Variants in GRIN2B observed in about 807,000 individuals in gnomAD.
GRIN2B encodes the protein glutamate ionotropic receptor NMDA type subunit 2B, also known as glutamate receptor ionotropic, NMDA 2B.
GRIN2B carries 5 observed loss-of-function variants against 114.5 expected under a neutral mutation model. The ratio of observed to expected loss-of-function variants is 0.04; its 90% CI spans 0.02 to 0.09. The LOEUF (loss-of-function observed/expected upper bound fraction) is 0.09. Among genes scored for constraint, GRIN2B ranks in the 10% least tolerant of loss-of-function variants. The probability of loss-of-function intolerance (pLI) is 1.00; values close to 1 mark genes in which losing one functional copy is unlikely to be tolerated. For synonymous variants in GRIN2B, 787 were observed against 745.1 expected (o/e 1.06, Z -0.92); for missense variants, 1,108 against 1,943.5 (o/e 0.57, Z 8.08).
intron 2 of GRIN2B, among the ~76,000 whole-genome samples, chr12:13,967,691 G>T (rs1591645829): frequency 6.6e-6 from 1 of 152,322 alleles, no homozygotes; most frequent in Middle Eastern, 3.4e-3. Flanking sequence ...CGGGAGGTGG[G>T]ATGGATAGAG....
chr12:13,554,418 T>C lies in GRIN2B; in HGVS notation c.*8365A>G, dbSNP rs982642495. The C allele has an allele frequency of 6.6e-6, 1 of 152,080 alleles. No individual in the cohort carries two copies. Among genetic ancestry groups the C allele is most frequent in the Non-Finnish European group, 1.5e-5 (1 of 68,002 alleles). 9.4% of individuals were successfully genotyped at this position (152,080 alleles called of 1,614,324 possible). A position where few individuals can be genotyped will look rare whatever the true frequency, so the allele number is the denominator to read the frequency against. ...GATATTATTCAAGAAGGGAGTGAGA[T>C]GGGAGATAGGAAGGAGAGTATTTTG... On this transcript the variant is annotated 3_prime_UTR_variant, in exon 14 of 14. Coordinates refer to ENST00000609686, the MANE Select transcript of GRIN2B (RefSeq NM_000834.5).
At chr12:13,890,221 CA>C (rs1257008991) in intron 2 of GRIN2B, among the ~76,000 whole-genome samples, 2 of 152,202 alleles carry the variant, frequency 1.3e-5, no homozygotes, top group African/African-American at 4.8e-5. Flanking sequence ...CCACTCCTTA[CA>C]AAATCACTGC....
intron 3 of GRIN2B, among the ~76,000 whole-genome samples, chr12:13,820,230 A>G (rs934647718): frequency 6.6e-6 from 1 of 152,178 alleles, no homozygotes; most frequent in Non-Finnish European, 1.5e-5. Flanking sequence ...AAGAGACTAG[A>G]TCAATGGCCA....
intron 2 of GRIN2B, among the ~76,000 whole-genome samples, chr12:13,877,411 C>A (rs1866006439): frequency 6.6e-6 from 1 of 152,216 alleles, no homozygotes; most frequent in Admixed American, 6.5e-5. Context: ...TTATTCCTAC[C>A]AGTGTACATA....
intron 2 of GRIN2B, among the ~76,000 whole-genome samples, chr12:13,875,985 G>T (rs1425564289): frequency 6.6e-6 from 1 of 152,234 alleles, no homozygotes; most frequent in East Asian, 1.9e-4. Flanking sequence ...ACAGTATCAT[G>T]TGAGAGGGCT....
At chr12:13,831,664 A>G (rs11612353) in intron 3 of GRIN2B, among the ~76,000 whole-genome samples, 30,717 of 152,180 alleles carry the variant, frequency 0.2, 3,367 homozygotes, top group Non-Finnish European at 0.24. Flanking sequence ...GGAGCCCGGT[A>G]ACTGCCACCC....
chr12:13,737,364 A>T (rs1863204138), intron 4 of GRIN2B, among the ~76,000 whole-genome samples: 1 of 151,790 alleles, frequency 6.6e-6, no homozygotes, highest in East Asian at 2.0e-4. Flanking sequence ...GGCACCTGAC[A>T]CCACCCCTGG....
At position 13,901,586 on chromosome 12, in the gene GRIN2B, G is replaced by A. The variant is rs544046163; in HGVS notation, c.-18-35360C>T. On this transcript the variant is annotated intron_variant, in intron 2 of 13. Transcript: ENST00000609686. ...TAAACCTAATTTAATTTAAATAGGC[G>A]TATGTAATACTGGCTACCGTCTTAG... is the stretch of plus-strand genomic sequence containing the variant. Among the ~76,000 whole-genome samples the A allele has an allele frequency of 7.9e-5, 12 of 151,964 alleles. No homozygotes were observed. In the East Asian group the frequency reaches 9.6e-4, roughly 12 times the overall value.
intron 2 of GRIN2B, among the ~76,000 whole-genome samples, chr12:13,902,002 G>A (rs1046258267): frequency 5.9e-5 from 9 of 151,972 alleles, no homozygotes; most frequent in Admixed American, 5.9e-4. Flanking sequence ...TATTTATCAA[G>A]TGACTATAAA....
intron 4 of GRIN2B, among the ~76,000 whole-genome samples, chr12:13,743,761 T>C (rs1398823879): frequency 1.3e-5 from 2 of 152,180 alleles, no homozygotes; most frequent in African/African-American, 4.8e-5. Flanking sequence ...TGAGACGATA[T>C]ACAAGAAGAT....
intron 4 of GRIN2B, among the ~76,000 whole-genome samples, chr12:13,722,096 T>C (rs368233526): frequency 1.8e-4 from 28 of 152,206 alleles, no homozygotes; most frequent in Middle Eastern, 3.4e-3. Context: ...ACCATTCCAT[T>C]AACACAGTAT....
intron 4 of GRIN2B, among the ~76,000 whole-genome samples, chr12:13,676,254 G>A (rs1950073108): frequency 6.6e-6 from 1 of 152,016 alleles, no homozygotes; most frequent in Non-Finnish European, 1.5e-5. Context: ...TTAATATTTA[G>A]GTGATGGGTT....
chr12:13,580,125 C>T (rs1477568407), intron 10 of GRIN2B, among the ~76,000 whole-genome samples: 1 of 152,176 alleles, frequency 6.6e-6, no homozygotes. Context: ...AAGCAGTGGT[C>T]GTTCTGACCA....
chr12:13,881,178 T>G (rs1274170696), intron 2 of GRIN2B, among the ~76,000 whole-genome samples: 2 of 152,232 alleles, frequency 1.3e-5, no homozygotes, highest in Admixed American at 6.5e-5. Flanking sequence ...TCTTAAAATA[T>G]GTTCATGAAC....
At chr12:13,962,089 T>TACACACACACACACACACACACACAC (rs143658576) in intron 2 of GRIN2B, among the ~76,000 whole-genome samples, 35 of 145,336 alleles carry the variant, frequency 2.4e-4, no homozygotes, top group South Asian at 1.6e-3. Context: ...CTCTCATACA[T>TACACACACACACACACACACACACAC]ACACACACAC....
chr12:13,815,545 G>A (rs1041291042), intron 3 of GRIN2B, among the ~76,000 whole-genome samples: 5 of 152,148 alleles, frequency 3.3e-5, no homozygotes, highest in African/African-American at 7.2e-5. Context: ...TTGGGGATAC[G>A]TGCTAGAAAA....
chr12:13,854,367 C>T (rs1865623468), intron 3 of GRIN2B, among the ~76,000 whole-genome samples: 1 of 151,840 alleles, frequency 6.6e-6, no homozygotes, highest in Non-Finnish European at 1.5e-5. Flanking sequence ...AAAAATAACT[C>T]GGTGTGGTGG....
At position 13,563,058 on chromosome 12, in the gene GRIN2B, C is replaced by T; in HGVS notation, c.4180G>A (p.Asp1394Asn). 1 of 1,614,118 alleles carries T rather than the reference C, an allele frequency of 6.2e-7. No individual in the cohort carries two copies. Among genetic ancestry groups the T allele is most frequent in the Non-Finnish European group, 8.5e-7 (1 of 1,180,010 alleles). Reference sequence around the variant, plus strand: ...TTGCTGCCATGGAGCAAGCACTGGTCGTCCCCAAAAGTGGGGATGAAAGGG... The same window carrying T: ...TTGCTGCCATGGAGCAAGCACTGGTTGTCCCCAAAAGTGGGGATGAAAGGG... Reference protein sequence around the residue: ...QNPFIPTFGDDQCLLHGSKSY... With the variant: ...QNPFIPTFGDNQCLLHGSKSY... Residue 1394 changes from aspartate (D) to asparagine (N), a missense_variant, in exon 14 of 14, where the codon GAC becomes AAC. Coordinates refer to ENST00000609686, the MANE Select transcript of GRIN2B (RefSeq NM_000834.5).
Position 13,804,488 on chromosome 12 carries a change from AC to A in GRIN2B, c.412-50574del, listed in dbSNP as rs565338067. Among the ~76,000 whole-genome samples, 8 of 151,866 alleles carry A rather than the reference AC, an allele frequency of 5.3e-5. No individual in the cohort carries two copies. In the East Asian group the frequency reaches 1.6e-3, roughly 29 times the overall value. Reference sequence around the variant, plus strand: ...GCAAATCCAAACATAAGATATCTGAACCCCTTCATTTTTAAAAATTATAACA... The same window carrying A: ...GCAAATCCAAACATAAGATATCTGAACCCTTCATTTTTAAAAATTATAACA... On this transcript the variant is annotated intron_variant, in intron 3 of 13. Transcript: ENST00000609686.
Sources: gnomAD v4.1 joint callset for allele counts (sites outside exome capture counted in the v4.1 genomes callset) on GRCh38, gnomAD v4.1.1 for gene constraint, MANE v1.5 for transcripts, NCBI Gene and HGNC (gene_info 2026-07-23, HGNC 2026-07-21) for gene names.